Variants in GPHN observed in about 807,000 individuals in gnomAD.
GPHN encodes gephyrin.
In GPHN, 17 loss-of-function variants were observed where a neutral mutation model predicts 95.5. The ratio of observed to expected loss-of-function variants is 0.18; its 90% CI spans 0.12 to 0.27. The LOEUF is 0.27. Among genes scored for constraint, GPHN ranks in the 10% least tolerant of loss-of-function variants. The pLI is 1.00. For missense variants in GPHN, 660 were observed against 978.1 expected (o/e 0.67, Z 4.34); for synonymous variants, 320 against 322.5 (o/e 0.99, Z 0.08).
At chr14:67,224,061 T>C in the GPHN span, 1 of 890,044 alleles carries the variant, frequency 1.1e-6, no homozygotes, top group African/African-American at 1.8e-5. Flanking sequence ...CCAGCAATGC[T>C]AGTTAGGGAC....
intron 2 of GPHN, among the ~76,000 whole-genome samples, chr14:66,739,217 G>GA (rs2072565506): frequency 7.4e-6 from 1 of 134,986 alleles, no homozygotes; most frequent in African/African-American, 3.2e-5. Flanking sequence ...TTTTCTTACA[G>GA]CTTTTTTTTT....
intron 1 of GPHN, among the ~76,000 whole-genome samples, chr14:66,633,457 T>G (rs2063932791): frequency 6.6e-6 from 1 of 152,198 alleles, no homozygotes; most frequent in Admixed American, 6.5e-5. Flanking sequence ...TACTGTATAC[T>G]CTTTCTGTTT....
chr14:67,353,548 C>A, the GPHN span, among the ~76,000 whole-genome samples: 3 of 151,702 alleles, frequency 2.0e-5, no homozygotes, highest in Non-Finnish European at 4.4e-5. Flanking sequence ...AGTGCAATGG[C>A]GCGATCTCGA....
At chr14:67,103,419 G>T (rs891935060) in intron 13 of GPHN, among the ~76,000 whole-genome samples, 1 of 150,600 alleles carries the variant, frequency 6.6e-6, no homozygotes, top group Non-Finnish European at 1.5e-5. Context: ...TATAGGAATT[G>T]CAATGAATCT....
rs112683802 is a variant in GPHN at position 66,927,498 on chromosome 14, G to A, written c.828+3206G>A. On this transcript the variant is annotated intron_variant, in intron 8 of 22. Coordinates refer to ENST00000478722, the MANE Select transcript of GPHN (RefSeq NM_020806.5). Reference sequence around the variant, plus strand: ...TATCATCAGCAAACCAGGATAATTTGATCTCTTCCTTTCCAATTTGGGTGC... The same window carrying A: ...TATCATCAGCAAACCAGGATAATTTAATCTCTTCCTTTCCAATTTGGGTGC... Among the ~76,000 whole-genome samples the A allele has an allele frequency of 1.2e-4, 19 of 152,174 alleles. 2 individuals carry two copies. Among genetic ancestry groups the A allele is most frequent in the African/African-American group, 4.3e-4 (18 of 41,532 alleles).
At chr14:66,997,332 A>C (rs964260626) in intron 9 of GPHN, among the ~76,000 whole-genome samples, 1 of 148,058 alleles carries the variant, frequency 6.8e-6, no homozygotes, top group Non-Finnish European at 1.5e-5. Flanking sequence ...GTGCAATTGC[A>C]CTCTAGCCTG....
intron 1 of GPHN, among the ~76,000 whole-genome samples, chr14:66,664,132 A>G (rs781419854): frequency 2.0e-5 from 3 of 152,192 alleles, no homozygotes; most frequent in Admixed American, 6.5e-5. Context: ...AATGGACCTG[A>G]TATATATCTA....
At chr14:66,676,619 A>G (rs1290403210) in intron 1 of GPHN, among the ~76,000 whole-genome samples, 2 of 148,466 alleles carry the variant, frequency 1.3e-5, no homozygotes, top group Admixed American at 1.3e-4. Flanking sequence ...ATTGATTTTT[A>G]TATGTTGAAC....
chr14:67,523,732 A>G, the GPHN span, among the ~76,000 whole-genome samples: 1 of 152,254 alleles, frequency 6.6e-6, no homozygotes, highest in Non-Finnish European at 1.5e-5. Flanking sequence ...TTTTGTTAAA[A>G]GATTCTGCCT....
the GPHN span, among the ~76,000 whole-genome samples, chr14:67,289,297 A>G: frequency 6.6e-6 from 1 of 152,120 alleles, no homozygotes; most frequent in Admixed American, 6.6e-5. Context: ...AAGTCTTTAT[A>G]AAAAAGACTT....
chr14:67,350,304 GA>G, the GPHN span, among the ~76,000 whole-genome samples: 1 of 147,484 alleles, frequency 6.8e-6, no homozygotes, highest in African/African-American at 2.5e-5. Context: ...AGCATTAGGA[GA>G]AAAAAAAAAT....
chr14:67,336,255 C>A, the GPHN span: 1 of 152,832 alleles, frequency 6.5e-6, no homozygotes, highest in Admixed American at 6.5e-5. Flanking sequence ...ATAAATCATA[C>A]ACCAACAAAC....
chr14:67,474,916 T>TC, the GPHN span, among the ~76,000 whole-genome samples: 5 of 112,234 alleles, frequency 4.5e-5, no homozygotes, highest in Admixed American at 2.8e-4. Context: ...ATTTCCTTCT[T>TC]TTTTTTTTTT....
chr14:67,168,158 T>C (rs2082390963), intron 20 of GPHN, among the ~76,000 whole-genome samples: 1 of 152,248 alleles, frequency 6.6e-6, no homozygotes, highest in South Asian at 2.1e-4. Flanking sequence ...GGTTGGCTTC[T>C]GGTGAGGCCT....
At chr14:67,197,546 T>C in the GPHN span, among the ~76,000 whole-genome samples, 1 of 149,300 alleles carries the variant, frequency 6.7e-6, no homozygotes, top group Admixed American at 6.7e-5. Context: ...GTGGTCCCCT[T>C]GGCAGCAGGG....
chr14:67,192,026 C>T, the GPHN span, among the ~76,000 whole-genome samples: 1 of 152,098 alleles, frequency 6.6e-6, no homozygotes, highest in African/African-American at 2.4e-5. Context: ...TAACAGAGAC[C>T]GCAAGGGATC....
At chr14:66,972,628 T>C (rs1315231940) in intron 9 of GPHN, among the ~76,000 whole-genome samples, 1 of 151,842 alleles carries the variant, frequency 6.6e-6, no homozygotes, top group African/African-American at 2.4e-5. Flanking sequence ...TTTTGTCACA[T>C]TCAAGGGCCA....
chr14:67,596,878 T>C, the GPHN span, among the ~76,000 whole-genome samples: 1 of 152,224 alleles, frequency 6.6e-6, no homozygotes, highest in East Asian at 1.9e-4. Context: ...CTGAGGAAAT[T>C]TGGAAGTCTA....
chr14:66,859,135 T>C (rs1567028429), intron 4 of GPHN, among the ~76,000 whole-genome samples: 1 of 152,146 alleles, frequency 6.6e-6, no homozygotes, highest in Non-Finnish European at 1.5e-5. Flanking sequence ...CTGTTAATCG[T>C]ACAGCCTTAG....
Sources: gnomAD v4.1 joint callset for allele counts (sites outside exome capture counted in the v4.1 genomes callset) on GRCh38, gnomAD v4.1.1 for gene constraint, MANE v1.5 for transcripts, NCBI Gene and HGNC (gene_info 2026-07-23, HGNC 2026-07-21) for gene names.